Variants in SMIM14 observed in about 807,000 individuals in gnomAD.
SMIM14 encodes the protein chromosome 4 open reading frame 34.
In SMIM14, 5 loss-of-function variants were observed where a neutral mutation model predicts 12.6. That is an observed-to-expected ratio of 0.40 (90% CI 0.21 to 0.83). SMIM14 has a LOEUF of 0.83. Ranked by LOEUF, SMIM14 falls within the 40% of genes least tolerant of loss-of-function variation. The pLI is 0.37. For synonymous variants in SMIM14, 30 were observed against 40.1 expected, an observed-to-expected ratio of 0.75 and a Z score of 0.95; for missense variants, 86 against 119.1, an observed-to-expected ratio of 0.72 and a Z score of 1.29.
At position 39,557,583 on chromosome 4, in the gene SMIM14, C is replaced by T. The variant is rs1193714787; in HGVS notation, c.125-1013G>A. 3.9e-5 allele frequency among the ~76,000 whole-genome samples: 6 copies of T among 152,248 alleles called. No individual in the cohort carries two copies. The East Asian group carries it at 7.7e-4, about 20-fold the overall frequency. On this transcript the variant is annotated intron_variant, in intron 3 of 4. Coordinates refer to ENST00000295958, the MANE Select transcript of SMIM14 (RefSeq NM_174921.3). The stretch of plus-strand genomic sequence containing the variant: ...ACTTCCCTAAGATCTACTTTTCTAG[C>T]TACCTTCTGCCCTGTGTCTGGCACC...
Position 39,552,239 on chromosome 4 carries a change from T to G in SMIM14, c.268-81A>C, listed in dbSNP as rs1050114951. 17 of 1,273,904 alleles carry G rather than the reference T, an allele frequency of 1.3e-5. No homozygotes were observed. In the African/African-American group the frequency reaches 2.6e-4, roughly 19 times the overall value. The allele number at this position is 1,273,904 out of a possible 1,614,324, so 78.9% of individuals were successfully genotyped here. ...TTAAAATTTATTACTTTTTTAAAAA[T>G]TGACTTATTAAATCCCAGTGCAACC... On this transcript the variant is annotated intron_variant, in intron 4 of 4. Coordinates refer to ENST00000295958, the MANE Select transcript of SMIM14 (RefSeq NM_174921.3).
intron 2 of SMIM14, among the ~76,000 whole-genome samples, chr4:39,588,965 T>A (rs895812478): frequency 3.3e-5 from 5 of 152,186 alleles, no homozygotes; most frequent in African/African-American, 1.2e-4. Flanking sequence ...CCGATGGGCC[T>A]TAAAGTGATT....
In SMIM14 at chr4:39,577,711, G is replaced by A. The variant is rs118128892; in HGVS notation, c.76-5248C>T. Among the ~76,000 whole-genome samples, 303 of 152,228 alleles carry A rather than the reference G, an allele frequency of 2.0e-3. 6 individuals carry two copies. The East Asian group carries it at 0.049, about 24-fold the overall frequency. On this transcript the variant is annotated intron_variant, in intron 2 of 4. Transcript: ENST00000295958. ...CTAAAGTGCTGGGATTTAGGTGTGA[G>A]CCACTGTGCTTGGCCTCCTTTCAGT...
At chr4:39,573,238 G>A (rs2110009262) in intron 2 of SMIM14, among the ~76,000 whole-genome samples, 1 of 152,142 alleles carries the variant, frequency 6.6e-6, no homozygotes, top group South Asian at 2.1e-4. Context: ...TGGGATTACA[G>A]GCACCCGCCA....
chr4:39,558,060 G>A lies in SMIM14; in HGVS notation c.125-1490C>T, dbSNP rs1270423452. ...AGGCATCAGTTTTTCCTGGTTCCTT[G>A]ACATAGCCACGTCTTATTTAATTTG... On this transcript the variant is annotated intron_variant, in intron 3 of 4. Transcript: ENST00000295958. This position sits in a 1 kb window ranked among gnomAD's most constrained non-coding sequence, Gnocchi z 4.3. Among the ~76,000 whole-genome samples the A allele has an allele frequency of 6.6e-6, 1 of 152,146 alleles. No individual in the cohort carries two copies. Among genetic ancestry groups the A allele is most frequent in the Non-Finnish European group, 1.5e-5 (1 of 68,044 alleles).
intron 2 of SMIM14, among the ~76,000 whole-genome samples, chr4:39,577,842 A>T (rs1044461158): frequency 6.6e-6 from 1 of 152,216 alleles, no homozygotes; most frequent in Non-Finnish European, 1.5e-5. Flanking sequence ...TCTTAGACCA[A>T]GCTACGGTAA....
At chr4:39,580,567 G>C (rs1442910386) in intron 2 of SMIM14, among the ~76,000 whole-genome samples, 1 of 151,464 alleles carries the variant, frequency 6.6e-6, no homozygotes, top group East Asian at 1.9e-4. Flanking sequence ...TGTCACCCAG[G>C]CGAGGCTGGA....
intron 3 of SMIM14, among the ~76,000 whole-genome samples, chr4:39,569,542 C>T (rs915475956): frequency 5.9e-5 from 9 of 152,038 alleles, no homozygotes; most frequent in African/African-American, 1.9e-4. Context: ...AAAACCAGAA[C>T]GTATCACTCC....
At chr4:39,636,987 G>C (rs1254709850) in intron 1 of SMIM14, among the ~76,000 whole-genome samples, 1 of 152,196 alleles carries the variant, frequency 6.6e-6, no homozygotes, top group Non-Finnish European at 1.5e-5. Flanking sequence ...GGGCACTACT[G>C]TGTAGTGAAT....
intron 2 of SMIM14, among the ~76,000 whole-genome samples, chr4:39,589,244 A>G (rs940480377): frequency 2.6e-5 from 4 of 152,042 alleles, no homozygotes; most frequent in African/African-American, 7.2e-5. Context: ...CCATCACCAC[A>G]TCTGGCTAAT....
intron 2 of SMIM14, among the ~76,000 whole-genome samples, chr4:39,602,194 C>T (rs747168875): frequency 1.7e-4 from 26 of 149,758 alleles, no homozygotes; most frequent in African/African-American, 3.5e-4. Context: ...GGTTGCAGTG[C>T]GCAGAGATCG....
chr4:39,595,932 GTA>G (rs1424349786), intron 2 of SMIM14, among the ~76,000 whole-genome samples: 2 of 151,788 alleles, frequency 1.3e-5, no homozygotes, highest in Non-Finnish European at 2.9e-5. Flanking sequence ...ACTAATTTTT[GTA>G]TATATCTGTA....
At chr4:39,555,774 T>C (rs1333151410) in intron 4 of SMIM14, among the ~76,000 whole-genome samples, 1 of 152,074 alleles carries the variant, frequency 6.6e-6, no homozygotes, top group Admixed American at 6.5e-5. Context: ...TCAGTGTCTC[T>C]ACTGAATAGC....
At chr4:39,604,427 C>T (rs1714727631) in intron 2 of SMIM14, among the ~76,000 whole-genome samples, 1 of 151,556 alleles carries the variant, frequency 6.6e-6, no homozygotes, top group Non-Finnish European at 1.5e-5. Flanking sequence ...GTCCCAGTTA[C>T]TCGGGAGGCT....
chr4:39,603,983 C>A (rs1714711509), intron 2 of SMIM14, among the ~76,000 whole-genome samples: 1 of 150,434 alleles, frequency 6.6e-6, no homozygotes, highest in African/African-American at 2.5e-5. Flanking sequence ...CGCATTCCAG[C>A]CTGGGTGGCA....
intron 2 of SMIM14, among the ~76,000 whole-genome samples, chr4:39,580,503 C>G (rs1172141605): frequency 6.6e-6 from 1 of 150,996 alleles, no homozygotes; most frequent in African/African-American, 2.4e-5. Context: ...TATCTGGGTT[C>G]AAATCTTGTC....
intron 3 of SMIM14, among the ~76,000 whole-genome samples, chr4:39,565,802 C>T (rs1386666860): frequency 6.6e-6 from 1 of 151,948 alleles, no homozygotes; most frequent in Non-Finnish European, 1.5e-5. Context: ...ATGGGAGGAA[C>T]CTGGTGGGAG....
At chr4:39,637,695 A>T (rs914222568) in intron 1 of SMIM14, among the ~76,000 whole-genome samples, 3 of 152,170 alleles carry the variant, frequency 2.0e-5, no homozygotes, top group African/African-American at 4.8e-5. Flanking sequence ...GGCTACACTA[A>T]AGGAATCTGC....
intron 3 of SMIM14, among the ~76,000 whole-genome samples, chr4:39,560,250 C>CTTTT (rs773257583): frequency 1.4e-5 from 2 of 140,756 alleles, no homozygotes; most frequent in African/African-American, 2.7e-5. Flanking sequence ...CTTTTCTTTT[C>CTTTT]TTTTTTTTTT....
Sources: allele counts gnomAD v4.1 joint callset (sites outside exome capture counted in the v4.1 genomes callset), GRCh38; gene constraint gnomAD v4.1.1; non-coding constraint Gnocchi (gnomAD v3.1); transcripts MANE v1.5; gene names NCBI Gene and HGNC (gene_info 2026-07-23, HGNC 2026-07-21).